Variants in KLHL22 observed in about 807,000 individuals in gnomAD.
KLHL22 encodes the protein kelch-like protein 22.
Under a neutral mutation model 60.7 loss-of-function variants are expected in KLHL22, and 18 were observed. The observed-to-expected ratio is 0.30, with a 90% CI of 0.20 to 0.44. The LOEUF (loss-of-function observed/expected upper bound fraction) is 0.44. Among genes scored for constraint, KLHL22 ranks in the 20% least tolerant of loss-of-function variants. The pLI is 1.00. For missense variants in KLHL22, 596 were observed against 852.3 expected (o/e 0.70, Z 3.74); for synonymous variants, 355 against 354.5 (o/e 1.00, Z -0.01).
chr22:20,443,819 G>A (rs564902668), intron 6 of KLHL22, among the ~76,000 whole-genome samples: 1 of 152,220 alleles, frequency 6.6e-6, no homozygotes, highest in Non-Finnish European at 1.5e-5. Context: ...AGGCTGAGGT[G>A]CGTGGATCAC....
intron 4 of KLHL22, 80 bp downstream of exon 4, chr22:20,464,778 C>G: frequency 2.3e-6 from 2 of 869,412 alleles, no homozygotes; most frequent in East Asian, 2.5e-5. Flanking sequence ...TGGGGGGAAC[C>G]TGACCAGCTC....
At chr22:20,485,089 G>A (rs2053564128) in intron 2 of KLHL22, among the ~76,000 whole-genome samples, 1 of 152,060 alleles carries the variant, frequency 6.6e-6, no homozygotes, top group Middle Eastern at 3.2e-3. Context: ...ATCATCAATT[G>A]TATCCAAACT....
intron 6 of KLHL22, among the ~76,000 whole-genome samples, chr22:20,443,551 C>T (rs544114805): frequency 9.2e-4 from 140 of 151,666 alleles, no homozygotes; most frequent in East Asian, 2.3e-3. Flanking sequence ...CCATCCTGGC[C>T]AACATGGTGA....
chr22:20,474,740 C>T (rs1486831883), intron 2 of KLHL22, among the ~76,000 whole-genome samples: 1 of 152,224 alleles, frequency 6.6e-6, no homozygotes, highest in Non-Finnish European at 1.5e-5. Flanking sequence ...ATTTAGGTTA[C>T]TTGTAATTTC....
chr22:20,483,972 C>T, intron 2 of KLHL22: 1 of 694,080 alleles, frequency 1.4e-6, no homozygotes, highest in Non-Finnish European at 2.6e-6. Context: ...CACGAAGATC[C>T]AGGAACCAGA....
In KLHL22 at chr22:20,442,751, G is replaced by A. The variant is rs1049247177; in HGVS notation, c.1540-313C>T. Reference sequence around the variant, plus strand: ...CGGCCCTAAGCCAGTCTCTGCCCCCGAGTGTGTGGCTGTGCCCCCATCAGC... The same window carrying A: ...CGGCCCTAAGCCAGTCTCTGCCCCCAAGTGTGTGGCTGTGCCCCCATCAGC... On this transcript the variant is annotated intron_variant, in intron 6 of 6. Transcript: ENST00000328879. Among the ~76,000 whole-genome samples, 8 of 152,184 alleles carry A rather than the reference G, an allele frequency of 5.3e-5. No individual in the cohort carries two copies. The South Asian group carries it at 6.2e-4, about 12-fold the overall frequency.
intron 3 of KLHL22, among the ~76,000 whole-genome samples, chr22:20,467,848 C>A (rs988119217): frequency 6.6e-6 from 1 of 152,032 alleles, no homozygotes; most frequent in Non-Finnish European, 1.5e-5. Flanking sequence ...TTAGTAGAGA[C>A]GGGGTTTCAT....
In KLHL22 at chr22:20,488,883, T is replaced by C. The variant is rs997204830; in HGVS notation, c.227+102A>G. On this transcript the variant is annotated intron_variant, in intron 2 of 6. Coordinates refer to ENST00000328879, the MANE Select transcript of KLHL22 (RefSeq NM_032775.4). ...TAGCCACAAGGAGTAGGGGAGGCTC[T>C]GAGGTGAGCAGGAGACCAGCCACTG... 4.2e-5 allele frequency: 46 copies of C among 1,104,624 alleles called. No homozygotes were observed. In the African/African-American group the frequency reaches 5.8e-4, roughly 14 times the overall value. The allele number at this position is 1,104,624 out of a possible 1,614,324, so 68.4% of individuals were successfully genotyped here. A position where few individuals can be genotyped will look rare whatever the true frequency, so the allele number is the denominator to read the frequency against.
chr22:20,470,175 TA>T (rs141048644), intron 3 of KLHL22, among the ~76,000 whole-genome samples: 1 of 149,134 alleles, frequency 6.7e-6, no homozygotes, highest in African/African-American at 2.5e-5. Context: ...CCCATTCCTA[TA>T]AAAAAATATA....
intron 4 of KLHL22, among the ~76,000 whole-genome samples, chr22:20,463,207 A>T (rs1330003643): frequency 2.0e-5 from 3 of 152,154 alleles, no homozygotes; most frequent in Non-Finnish European, 4.4e-5. Context: ...TACTCTCTCA[A>T]GGCAGGTCTT....
chr22:20,469,835 C>T (rs1410584488), intron 3 of KLHL22, among the ~76,000 whole-genome samples: 2 of 151,226 alleles, frequency 1.3e-5, no homozygotes, highest in Admixed American at 1.3e-4. Context: ...GAATGATGAA[C>T]TTAGCATAGC....
intron 3 of KLHL22, among the ~76,000 whole-genome samples, chr22:20,468,608 A>G (rs1487706780): frequency 6.6e-6 from 1 of 152,194 alleles, no homozygotes; most frequent in African/African-American, 2.4e-5. Context: ...AGGCCTATGG[A>G]CTTGACATGG....
At chr22:20,475,850 C>T (rs1386345815) in intron 2 of KLHL22, among the ~76,000 whole-genome samples, 1 of 152,220 alleles carries the variant, frequency 6.6e-6, no homozygotes, top group Non-Finnish European at 1.5e-5. Flanking sequence ...GCGTGAGTCA[C>T]CGCACCCAGC....
chr22:20,454,005 G>A (rs2053023220), intron 5 of KLHL22, among the ~76,000 whole-genome samples: 2 of 152,150 alleles, frequency 1.3e-5, no homozygotes, highest in Admixed American at 1.3e-4. Context: ...AAAGTGCTGG[G>A]ATTACAGACG....
intron 2 of KLHL22, chr22:20,483,050 C>T (rs1028091184): frequency 2.0e-5 from 13 of 663,990 alleles, no homozygotes; most frequent in East Asian, 1.1e-4. Context: ...TCCCTCTGCC[C>T]GGATTTGTGC....
At chr22:20,457,504 G>C (rs1483349785) in intron 5 of KLHL22, among the ~76,000 whole-genome samples, 1 of 152,126 alleles carries the variant, frequency 6.6e-6, no homozygotes, top group Non-Finnish European at 1.5e-5. Flanking sequence ...TGAACTACAA[G>C]GTTTAAGCAG....
chr22:20,455,340 AC>A (rs1399387058), intron 5 of KLHL22, among the ~76,000 whole-genome samples: 1 of 152,118 alleles, frequency 6.6e-6, no homozygotes, highest in Non-Finnish European at 1.5e-5. Context: ...CCACGCAATG[AC>A]CCAGGGCCAG....
chr22:20,495,627 C>T lies in KLHL22; in HGVS notation c.-34+133G>A, dbSNP rs1284960440. ...TCCTCAGGTCGCCGCCCCCGAGCCT[C>T]CGGCCCGCGCCCGCCCCCGCGCCCC... On this transcript the variant is annotated intron_variant, in intron 1 of 6. Coordinates refer to ENST00000328879, the MANE Select transcript of KLHL22 (RefSeq NM_032775.4). The surrounding 1 kb of genome is among the most constrained non-coding windows in gnomAD (Gnocchi z 4.6). 6.6e-6 allele frequency: 1 copy of T among 150,606 alleles called. No individual in the cohort carries two copies. Among genetic ancestry groups the T allele is most frequent in the African/African-American group, 2.4e-5 (1 of 41,112 alleles). The allele number at this position is 150,606 out of a possible 1,614,324, so 9.3% of individuals were successfully genotyped here. A position where few individuals can be genotyped will look rare whatever the true frequency, so the allele number is the denominator to read the frequency against.
In KLHL22 at chr22:20,471,205, C is replaced by T. The variant is rs899695084; in HGVS notation, c.393+145G>A. On this transcript the variant is annotated intron_variant, in intron 3 of 6. Transcript: ENST00000328879. ...TCCAGGAACAACTCCAGAGTCTTCC[C>T]CACTTCATGGCCTTCGTCACTGCTT... is the stretch of plus-strand genomic sequence containing the variant. 6.8e-6 allele frequency: 5 copies of T among 734,200 alleles called. 1 individual carries two copies. In the Admixed American group the frequency reaches 8.7e-5, roughly 13 times the overall value. The allele number at this position is 734,200 out of a possible 1,614,324, so 45.5% of individuals were successfully genotyped here.
Sources: allele counts gnomAD v4.1 joint callset (sites outside exome capture counted in the v4.1 genomes callset), GRCh38; gene constraint gnomAD v4.1.1; non-coding constraint Gnocchi (gnomAD v3.1); transcripts MANE v1.5; gene names NCBI Gene and HGNC (gene_info 2026-07-23, HGNC 2026-07-21).